Variants in HNF4A observed in about 807,000 individuals in gnomAD.
The protein encoded by HNF4A is hepatocyte nuclear factor 4-alpha.
In HNF4A, 15 loss-of-function variants were observed where a neutral mutation model predicts 52.4. The observed-to-expected ratio is 0.29, with a 90% confidence interval of 0.19 to 0.44. HNF4A has a LOEUF of 0.44. Among genes scored for constraint, HNF4A ranks in the 20% least tolerant of loss-of-function variants. HNF4A has a pLI of 1.00. For synonymous variants in HNF4A, 280 were observed against 264.4 expected (o/e 1.06, Z -0.57); for missense variants, 479 against 647.2 (o/e 0.74, Z 2.82).
At chr20:44,381,540 C>G (rs2063153925) in intron 1 of HNF4A, among the ~76,000 whole-genome samples, 1 of 152,058 alleles carries the variant, frequency 6.6e-6, no homozygotes, top group Non-Finnish European at 1.5e-5. Flanking sequence ...TGCCTCAGCC[C>G]CACAAGTGCT....
chr20:44,367,412 G>A (rs1023330755), intron 1 of HNF4A, among the ~76,000 whole-genome samples: 3 of 151,734 alleles, frequency 2.0e-5, no homozygotes, highest in Admixed American at 6.6e-5. Flanking sequence ...TTGAGAGGCC[G>A]AGGCAGACAG....
chr20:44,387,962 C>G lies in HNF4A; in HGVS notation c.50-18096C>G, dbSNP rs371381905. On this transcript the variant is annotated intron_variant, in intron 1 of 9. Transcript: ENST00000316673. ...GATGATATATGACATGTAGATATGA[C>G]TATCATTCTCTTTTGACGACTGAGG... Among the ~76,000 whole-genome samples, 19 of 152,242 alleles carry G rather than the reference C, an allele frequency of 1.2e-4. No homozygotes were observed. The East Asian group carries it at 3.7e-3, about 29-fold the overall frequency.
chr20:44,393,348 G>T (rs1323287978), intron 1 of HNF4A, among the ~76,000 whole-genome samples: 1 of 152,182 alleles, frequency 6.6e-6, no homozygotes, highest in Non-Finnish European at 1.5e-5. Flanking sequence ...AGTCCTCCTG[G>T]CTTCCTTCCT....
At chr20:44,385,059 C>CTTTGTTTTTTTTTTTTTTTTTT (rs2063203942) in intron 1 of HNF4A, among the ~76,000 whole-genome samples, 1 of 34,970 alleles carries the variant, frequency 2.9e-5, no homozygotes, top group African/African-American at 1.3e-4. Context: ...ACTCTGTGAT[C>CTTTGTTTTTTTTTTTTTTTTTT]TTTTTTTTTT....
chr20:44,392,552 C>A (rs1027392726), intron 1 of HNF4A, among the ~76,000 whole-genome samples: 1 of 152,120 alleles, frequency 6.6e-6, no homozygotes, highest in Non-Finnish European at 1.5e-5. Context: ...CTATGTTGCC[C>A]AGGCTGGTCT....
upstream of HNF4A, among the ~76,000 whole-genome samples, chr20:44,398,254 A>C (rs2063371340): frequency 6.6e-6 from 1 of 152,256 alleles, no homozygotes; most frequent in Non-Finnish European, 1.5e-5. Context: ...TGGATGTACA[A>C]TGTCATGTGT....
chr20:44,399,113 C>CGG (rs767283915), upstream of HNF4A, among the ~76,000 whole-genome samples: 345 of 152,318 alleles, frequency 2.3e-3, 1 homozygote, highest in East Asian at 4.6e-3. Context: ...CACCTCTGCA[C>CGG]TGCCCCCAAG....
At position 44,401,302 on chromosome 20, in the gene HNF4A, G is replaced by A; in HGVS notation, c.-71G>A. The A allele has an allele frequency of 1.9e-6, 3 of 1,605,744 alleles. No homozygotes were observed. Among genetic ancestry groups the A allele is most frequent in the South Asian group, 2.2e-5 (2 of 90,800 alleles). ...GGGCACTGGGAGGAGGCAGTGGGAG[G>A]GCGGAGGGCGGGGGCCTTCGGGGTG... On this transcript the variant is annotated 5_prime_UTR_variant, in exon 1 of 10. Transcript: ENST00000316099.
chr20:44,422,696 A>AAT (rs147466065), intron 7 of HNF4A, among the ~76,000 whole-genome samples: 3,590 of 146,616 alleles, frequency 0.024, 148 homozygotes, highest in African/African-American at 0.084. Flanking sequence ...TATTTTTTAA[A>AAT]ATATATATAT....
chr20:44,368,571 C>G (rs1181859438), intron 1 of HNF4A, among the ~76,000 whole-genome samples: 1 of 152,054 alleles, frequency 6.6e-6, no homozygotes, highest in African/African-American at 2.4e-5. Context: ...GTTAATAATG[C>G]TAGTTCTATT....
chr20:44,378,904 G>T (rs751307647), intron 1 of HNF4A, among the ~76,000 whole-genome samples: 1 of 129,408 alleles, frequency 7.7e-6, no homozygotes, highest in Non-Finnish European at 1.6e-5. Context: ...GGGCCACAGA[G>T]AGAGACCCCG....
rs1055666436 is a variant in HNF4A, at chr20:44,358,964, C to T, written c.49+3111C>T. 5.9e-5 allele frequency among the ~76,000 whole-genome samples: 9 copies of T among 152,122 alleles called. 1 individual carries two copies. The highest frequency in any genetic ancestry group is 1.2e-4 in the Non-Finnish European group (8 of 68,010). ...GCCCTCCCTGGACTTCCGGTGCTTC[C>T]ACGGCACACTGGTTTTGGCTTTGCG... On this transcript the variant is annotated intron_variant, in intron 1 of 9. Transcript: ENST00000316673.
intron 1 of HNF4A, among the ~76,000 whole-genome samples, chr20:44,360,782 C>T (rs1315768435): frequency 6.6e-6 from 1 of 152,178 alleles, no homozygotes; most frequent in Non-Finnish European, 1.5e-5. Context: ...GAGGACAGAT[C>T]AGAGGCCATT....
intron 1 of HNF4A, among the ~76,000 whole-genome samples, chr20:44,386,834 C>T (rs770993023): frequency 2.6e-5 from 4 of 152,186 alleles, no homozygotes; most frequent in African/African-American, 7.2e-5. Context: ...GGAGCACATA[C>T]GATTTTTAAA....
chr20:44,383,023 G>T (rs963746201), intron 1 of HNF4A, among the ~76,000 whole-genome samples: 1 of 152,084 alleles, frequency 6.6e-6, no homozygotes, highest in Non-Finnish European at 1.5e-5. Context: ...AGAAAAATTA[G>T]CCAGGGGTGG....
rs145314165 is a variant in HNF4A at position 44,429,609 on chromosome 20, G to C, written c.1369G>C (p.Val457Leu). The C allele has an allele frequency of 1.9e-6, 3 of 1,613,884 alleles. No homozygotes were observed. The highest frequency in any genetic ancestry group is 2.7e-5 in the African/African-American group (2 of 74,882). ...CCTGCCGGGAGCCGTCGCCACAATC[G>C]TCAAGCCCCTCTCTGCCATCCCCCA... Residue 457 changes from valine to leucine, a missense_variant, in exon 10 of 10, where the codon GTC becomes CTC. By Grantham distance (32) the Val-to-Leu change is conservative. Around this residue, in one of 3 missense-constraint regions of HNF4A, gnomAD observed 389 missense variants for 525.1 expected, o/e 0.74. Coordinates refer to ENST00000316099, the MANE Select transcript of HNF4A (RefSeq NM_000457.6).
chr20:44,386,471 T>A, intron 1 of HNF4A, among the ~76,000 whole-genome samples: 1 of 152,076 alleles, frequency 6.6e-6, no homozygotes, highest in Non-Finnish European at 1.5e-5. Context: ...CCAGCTGCCA[T>A]CTGAATTTTT....
At chr20:44,414,068 C>T (rs937562733) in intron 4 of HNF4A, among the ~76,000 whole-genome samples, 1 of 152,206 alleles carries the variant, frequency 6.6e-6, no homozygotes, top group East Asian at 1.9e-4. Context: ...TGAGGGCCTG[C>T]GATCAGCTCA....
intron 9 of HNF4A, 97 bp downstream of exon 9, chr20:44,428,584 C>CA: frequency 8.2e-7 from 1 of 1,222,644 alleles, no homozygotes; most frequent in Non-Finnish European, 1.2e-6. Flanking sequence ...AACCAGGATG[C>CA]AACAGTTTTC....
Sources: allele counts gnomAD v4.1 joint callset (sites outside exome capture counted in the v4.1 genomes callset), GRCh38; gene constraint gnomAD v4.1.1; regional missense constraint gnomAD v4.1.1; transcripts MANE v1.5; gene names NCBI Gene and HGNC (gene_info 2026-07-23, HGNC 2026-07-21).